Variants in SHROOM2 observed in about 807,000 individuals in gnomAD.
The protein encoded by SHROOM2 is protein Shroom2.
A neutral mutation model predicts 75.9 loss-of-function variants in SHROOM2; 33 were observed. That is an observed-to-expected ratio of 0.43 (90% CI 0.33 to 0.58). The LOEUF (loss-of-function observed/expected upper bound fraction) is 0.58. SHROOM2 is among the 20% of genes least tolerant of loss of function. The pLI, the probability that SHROOM2 is intolerant of heterozygous loss-of-function variation, is 0.04. For missense variants in SHROOM2, 1,434 were observed against 1,461.2 expected (o/e 0.98, Z 0.30); for synonymous variants, 655 against 663.6 (o/e 0.99, Z 0.20).
At chrX:9,925,914 G>A (rs2084589466) in intron 5 of SHROOM2, among the ~76,000 whole-genome samples, 1 of 111,810 alleles carries the variant, frequency 8.9e-6, no homozygotes, top group African/African-American at 3.3e-5. Flanking sequence ...GGCTGGCTTG[G>A]TCGGCTGCAG....
chrX:9,937,155 C>T lies in SHROOM2; in HGVS notation c.3609C>T (p.Asn1203=). The part of the protein sequence containing the change: ...DSTRIERVMD[N]NTTVKMVPIK... Reference sequence around the variant, plus strand: ...CCAGAATTGAGCGGGTGATGGACAACAACACCACGGTGAAGATGGTGCCCA... The same window carrying T: ...CCAGAATTGAGCGGGTGATGGACAATAACACCACGGTGAAGATGGTGCCCA... The change falls in exon 7 of 10, where the codon AAC becomes AAT. Residue 1203 remains asparagine, a synonymous_variant. Transcript: ENST00000380913. The T allele has an allele frequency of 8.3e-7, 1 of 1,198,287 alleles. No homozygotes were observed. The highest frequency in any genetic ancestry group is 1.1e-6 in the Non-Finnish European group (1 of 888,785).
intron 1 of SHROOM2, among the ~76,000 whole-genome samples, chrX:9,859,918 G>A (rs935449792): frequency 2.5e-4 from 28 of 111,768 alleles, no homozygotes; most frequent in Admixed American, 2.2e-3. Flanking sequence ...GTTTCCTGCC[G>A]TGGTAAATGG....
At chrX:9,853,640 A>G (rs1300587898) in intron 1 of SHROOM2, among the ~76,000 whole-genome samples, 1 of 111,518 alleles carries the variant, frequency 9.0e-6, no homozygotes, top group African/African-American at 3.3e-5. Context: ...TGTTGTGGAC[A>G]CCGTTATTGG....
At chrX:9,869,329 T>C (rs1400887797) in intron 1 of SHROOM2, among the ~76,000 whole-genome samples, 1 of 112,681 alleles carries the variant, frequency 8.9e-6, no homozygotes, top group African/African-American at 3.2e-5. Flanking sequence ...ATGAAACTTA[T>C]CTTCTTAATA....
intron 5 of SHROOM2, among the ~76,000 whole-genome samples, chrX:9,929,646 T>C (rs6530347): frequency 0.11 from 11,850 of 111,581 alleles, 1,585 homozygotes; most frequent in African/African-American, 0.36. Flanking sequence ...ACTTTGCAAA[T>C]AGAGTTCCTT....
intron 5 of SHROOM2, among the ~76,000 whole-genome samples, chrX:9,919,279 A>G (rs1446285822): frequency 9.8e-6 from 1 of 101,977 alleles, no homozygotes; most frequent in African/African-American, 3.7e-5. Context: ...GAAGAAAGGC[A>G]TATCTGTGTC....
intron 8 of SHROOM2, among the ~76,000 whole-genome samples, chrX:9,941,126 A>T (rs928918988): frequency 1.8e-5 from 2 of 112,011 alleles, no homozygotes; most frequent in Non-Finnish European, 3.8e-5. Context: ...ATCTTTGAGA[A>T]TTATGGCTTT....
At chrX:9,942,518 C>T (rs2084781428) in intron 8 of SHROOM2, among the ~76,000 whole-genome samples, 1 of 112,053 alleles carries the variant, frequency 8.9e-6, no homozygotes, top group Non-Finnish European at 1.9e-5. Context: ...CCCATGACCC[C>T]CTCTTTAGTT....
Position 9,894,347 on chromosome X carries a change from C to T in SHROOM2, c.450-11C>T. ...GCACACCATGCCTTGTCCTTCTTCT[C>T]ATTCTTGCAGTTCTTCCTCCCACGA... On this transcript the variant is annotated splice_polypyrimidine_tract_variant and intron_variant, in intron 3 of 9. Coordinates refer to ENST00000380913, the MANE Select transcript of SHROOM2 (RefSeq NM_001649.4). 1 of 1,198,193 alleles carries T rather than the reference C, an allele frequency of 8.3e-7. No homozygotes were observed. The highest frequency in any genetic ancestry group is 1.7e-5 in the African/African-American group (1 of 57,407).
intron 8 of SHROOM2, among the ~76,000 whole-genome samples, chrX:9,939,623 C>T (rs769787295): frequency 1.8e-5 from 2 of 112,237 alleles, no homozygotes; most frequent in East Asian, 2.8e-4. Context: ...AGTTTAGTCA[C>T]CATTCTCTTT....
At chrX:9,845,048 G>A (rs2083998947) in intron 1 of SHROOM2, among the ~76,000 whole-genome samples, 1 of 110,242 alleles carries the variant, frequency 9.1e-6, no homozygotes, top group South Asian at 4.0e-4. Flanking sequence ...TTTCTGTTTG[G>A]GCCACTTGTT....
In SHROOM2 at chrX:9,838,378, G is replaced by C. The variant is rs1051292647; in HGVS notation, c.166-35274G>C. ...CCCGGCCTTAAATCAGGAGTTTTAA[G>C]GTCACGAGCTGGCTGGGATTGGGTT... On this transcript the variant is annotated intron_variant, in intron 1 of 9. Coordinates refer to ENST00000380913, the MANE Select transcript of SHROOM2 (RefSeq NM_001649.4). 6.3e-5 allele frequency among the ~76,000 whole-genome samples: 7 copies of C among 110,624 alleles called. No individual in the cohort carries two copies. The Admixed American group carries it at 6.8e-4, about 11-fold the overall frequency.
chrX:9,792,919 AG>A (rs1341919359), intron 1 of SHROOM2, among the ~76,000 whole-genome samples: 1 of 111,252 alleles, frequency 9.0e-6, no homozygotes. Context: ...CATGGTAGCC[AG>A]GCTGGTCTCT....
intron 1 of SHROOM2, among the ~76,000 whole-genome samples, chrX:9,849,775 C>G (rs2084028508): frequency 8.9e-6 from 1 of 111,970 alleles, no homozygotes; most frequent in Non-Finnish European, 1.9e-5. Context: ...TTGCCAATCT[C>G]TTCCCTAGCT....
intron 1 of SHROOM2, among the ~76,000 whole-genome samples, chrX:9,836,482 G>A (rs1321999900): frequency 9.3e-6 from 1 of 107,735 alleles, no homozygotes; most frequent in African/African-American, 3.4e-5. Context: ...CTACCCCCCA[G>A]CTTCTCTCTC....
At position 9,810,414 on chromosome X, in the gene SHROOM2, G is replaced by T. The variant is rs2083786015; in HGVS notation, c.165+23704G>T. On this transcript the variant is annotated intron_variant, in intron 1 of 9. Transcript: ENST00000380913. ...TCTTCCCTAGTTCCATTGCGGAGTA[G>T]TAGACTGATTTTATCTGATAGTCTG... 4.5e-5 allele frequency among the ~76,000 whole-genome samples: 5 copies of T among 111,362 alleles called. No homozygotes were observed. In the South Asian group the frequency reaches 1.9e-3, roughly 42 times the overall value.
At chrX:9,813,784 A>G (rs1285903668) in intron 1 of SHROOM2, among the ~76,000 whole-genome samples, 2 of 112,023 alleles carry the variant, frequency 1.8e-5, no homozygotes, top group African/African-American at 6.5e-5. Context: ...CACCATGATT[A>G]ATTAGCCAGT....
chrX:9,886,772 A>G (rs758574460), intron 2 of SHROOM2, among the ~76,000 whole-genome samples: 4 of 111,879 alleles, frequency 3.6e-5, no homozygotes, highest in Non-Finnish European at 7.5e-5. Flanking sequence ...CATATGTCAA[A>G]ATTTCCTTTT....
chrX:9,816,386 G>A (rs192264728), intron 1 of SHROOM2, among the ~76,000 whole-genome samples: 3,669 of 112,294 alleles, frequency 0.033, 65 homozygotes, highest in Non-Finnish European at 0.053. Context: ...TGGCTTCACG[G>A]CTGTTGAAGC....
Sources: allele counts gnomAD v4.1 joint callset (sites outside exome capture counted in the v4.1 genomes callset), GRCh38; gene constraint gnomAD v4.1.1; transcripts MANE v1.5; gene names NCBI Gene and HGNC (gene_info 2026-07-23, HGNC 2026-07-21).